The following DIP2C variants were observed in gnomAD, a reference collection of about 807,000 sequenced individuals.
DIP2C encodes the protein DIP2 acetate--CoA ligase C (putative).
In DIP2C, 33 loss-of-function variants were observed where a neutral mutation model predicts 192.4. The ratio of observed to expected loss-of-function variants is 0.17; its 90% CI spans 0.13 to 0.23. The LOEUF is 0.23. Among genes scored for constraint, DIP2C ranks in the 10% least tolerant of loss-of-function variants. The pLI is 1.00. For missense variants in DIP2C, 1,537 were observed against 2,110.1 expected, an observed-to-expected ratio of 0.73 and a Z score of 5.32; for synonymous variants, 979 against 864.1, an observed-to-expected ratio of 1.13 and a Z score of -2.33.
intron 18 of DIP2C, among the ~76,000 whole-genome samples, chr10:367,531 T>G (rs1394355397): frequency 2.0e-5 from 3 of 152,320 alleles, no homozygotes; most frequent in African/African-American, 7.2e-5. Flanking sequence ...AAAGAAGTGC[T>G]GCTGCTTACC....
chr10:458,358 T>TA (rs1348106289), intron 3 of DIP2C, among the ~76,000 whole-genome samples: 1 of 152,248 alleles, frequency 6.6e-6, no homozygotes. Context: ...TCAGGAAAGA[T>TA]AAACCTTCTC....
chr10:650,213 C>A (rs552746283), intron 1 of DIP2C: 1 of 717,266 alleles, frequency 1.4e-6, no homozygotes, highest in Non-Finnish European at 2.6e-6. Flanking sequence ...GGAGGCCACA[C>A]GGGGAGGGCT....
At chr10:316,768 C>A (rs1186005621) in intron 31 of DIP2C, among the ~76,000 whole-genome samples, 1 of 152,192 alleles carries the variant, frequency 6.6e-6, no homozygotes, top group African/African-American at 2.4e-5. Context: ...TTTTAGGACT[C>A]CCCTGGGATT....
At chr10:631,355 A>G (rs888190047) in intron 1 of DIP2C, 1 of 152,248 alleles carries the variant, frequency 6.6e-6, no homozygotes. Flanking sequence ...GGGTGTTCCC[A>G]GGCTTCCGTC....
chr10:519,830 TC>T (rs1040702413), intron 1 of DIP2C, among the ~76,000 whole-genome samples: 1 of 151,914 alleles, frequency 6.6e-6, no homozygotes, highest in African/African-American at 2.4e-5. Context: ...ATCCCAGGCC[TC>T]CCCCCTGCTC....
intron 1 of DIP2C, among the ~76,000 whole-genome samples, chr10:601,027 G>C (rs1454037378): frequency 6.6e-6 from 1 of 152,110 alleles, no homozygotes; most frequent in Non-Finnish European, 1.5e-5. Flanking sequence ...ACCTGAGAAG[G>C]CTGCTCAGTC....
chr10:375,940 AGAG>A (rs775924132), intron 17 of DIP2C, among the ~76,000 whole-genome samples: 26 of 152,304 alleles, frequency 1.7e-4, no homozygotes, highest in Non-Finnish European at 2.8e-4. Context: ...CGGCACATTT[AGAG>A]AAGAAAGAGT....
At chr10:578,412 G>A (rs577158345) in intron 1 of DIP2C, among the ~76,000 whole-genome samples, 7 of 152,298 alleles carry the variant, frequency 4.6e-5, no homozygotes, top group Admixed American at 4.6e-4. Flanking sequence ...AAGCTAGACA[G>A]CTGCTATATT....
chr10:412,390 C>G (rs1336640526), intron 8 of DIP2C, among the ~76,000 whole-genome samples: 1 of 152,194 alleles, frequency 6.6e-6, no homozygotes, highest in Non-Finnish European at 1.5e-5. Context: ...AGCAGCGACT[C>G]CAAGTACACA....
intron 1 of DIP2C, among the ~76,000 whole-genome samples, chr10:685,008 C>T (rs1026603089): frequency 7.9e-5 from 12 of 151,432 alleles, no homozygotes; most frequent in African/African-American, 2.7e-4. Flanking sequence ...GTGGCGGGCA[C>T]CTGTAGTCCC....
At chr10:549,567 A>C (rs1848482279) in intron 1 of DIP2C, among the ~76,000 whole-genome samples, 1 of 152,046 alleles carries the variant, frequency 6.6e-6, no homozygotes. Context: ...CAAGGGCGGC[A>C]TTTGGAGAAG....
chr10:635,342 C>G (rs1854767547), intron 1 of DIP2C, among the ~76,000 whole-genome samples: 1 of 152,338 alleles, frequency 6.6e-6, no homozygotes, highest in African/African-American at 2.4e-5. Flanking sequence ...GGGCTGTGAT[C>G]GCCCCTCACA....
intron 3 of DIP2C, among the ~76,000 whole-genome samples, chr10:447,305 C>CA (rs1968322221): frequency 6.7e-6 from 1 of 148,168 alleles, no homozygotes; most frequent in African/African-American, 2.5e-5. Context: ...AGTGGGGCAG[C>CA]AGGACCCACT....
chr10:431,413 A>G (rs1034897979), intron 4 of DIP2C, among the ~76,000 whole-genome samples: 1 of 152,172 alleles, frequency 6.6e-6, no homozygotes, highest in Non-Finnish European at 1.5e-5. Flanking sequence ...TTTATGCCTG[A>G]GTATTCCATT....
At chr10:569,617 AAAC>A (rs1363032608) in intron 1 of DIP2C, among the ~76,000 whole-genome samples, 8 of 152,200 alleles carry the variant, frequency 5.3e-5, no homozygotes, top group Non-Finnish European at 7.3e-5. Context: ...AAAAAAGCAA[AAAC>A]AAAACAAATA....
intron 1 of DIP2C, among the ~76,000 whole-genome samples, chr10:599,075 A>T (rs1038983195): frequency 6.6e-6 from 1 of 152,188 alleles, no homozygotes; most frequent in Non-Finnish European, 1.5e-5. Flanking sequence ...AGTCCCTCAC[A>T]AAACAGGCTC....
chr10:382,575 T>C, intron 17 of DIP2C, 72 bp downstream of exon 17: 1 of 1,224,956 alleles, frequency 8.2e-7, no homozygotes, highest in South Asian at 1.3e-5. Flanking sequence ...CTGTTAGGAT[T>C]TCCTGATCTC....
At chr10:345,242 C>T (rs1041658197) in intron 26 of DIP2C, 132 bp from the exon 27 acceptor site, 22 of 914,446 alleles carry the variant, frequency 2.4e-5, no homozygotes, top group Middle Eastern at 2.1e-4. Flanking sequence ...GTTACCGAGC[C>T]CTCCTGCTGG....
At chr10:409,920 G>A (rs1965073166) in intron 8 of DIP2C, among the ~76,000 whole-genome samples, 1 of 152,218 alleles carries the variant, frequency 6.6e-6, no homozygotes, top group South Asian at 2.1e-4. Flanking sequence ...AGAGGCTTCA[G>A]CTGCCAGAGC....
Sources: allele counts gnomAD v4.1 joint callset (sites outside exome capture counted in the v4.1 genomes callset), GRCh38; gene constraint gnomAD v4.1.1; transcripts MANE v1.5; gene names NCBI Gene and HGNC (gene_info 2026-07-23, HGNC 2026-07-21).